The following TMEM74 variants were observed in gnomAD, a reference collection of about 807,000 sequenced individuals.
TMEM74 encodes the protein transmembrane protein 74.
In TMEM74, 13 loss-of-function variants were observed where a neutral mutation model predicts 18.1. The ratio of observed to expected loss-of-function variants is 0.72; its 90% CI spans 0.47 to 1.14. TMEM74 has a LOEUF of 1.14. TMEM74 is among the 50% of genes most tolerant of loss of function. The probability of loss-of-function intolerance (pLI) is 0.00; values close to 1 mark genes in which losing one functional copy is unlikely to be tolerated. For missense variants in TMEM74, 372 were observed against 375.9 expected, an observed-to-expected ratio of 0.99 and a Z score of 0.09; for synonymous variants, 159 against 146.6, an observed-to-expected ratio of 1.08 and a Z score of -0.61.
rs139504461 is a variant in TMEM74 at position 108,782,435 on chromosome 8, T to C, written c.*1746A>G. On this transcript the variant is annotated 3_prime_UTR_variant, in exon 2 of 2. Coordinates refer to ENST00000297459, the MANE Select transcript of TMEM74 (RefSeq NM_153015.3). The stretch of plus-strand genomic sequence containing the variant: ...TGATGGCCATATAATTTCTCATTTT[T>C]ACTTAATAATTCTTTCATATGCCCA... 2.3e-3 allele frequency among the ~76,000 whole-genome samples: 348 copies of C among 152,316 alleles called. No individual in the cohort carries two copies. Among genetic ancestry groups the C allele is most frequent in the African/African-American group, 7.8e-3 (323 of 41,568 alleles).
intron 2 of TMEM74, among the ~76,000 whole-genome samples, chr8:108,629,545 G>A (rs893070196): frequency 5.3e-5 from 8 of 151,900 alleles, no homozygotes; most frequent in Non-Finnish European, 5.9e-5. Flanking sequence ...GATTCTCCAA[G>A]GTTGAAATGA....
intron 1 of TMEM74, among the ~76,000 whole-genome samples, chr8:108,755,106 T>A (rs73311970): frequency 0.028 from 4,295 of 152,122 alleles, 204 homozygotes; most frequent in African/African-American, 0.095. Flanking sequence ...AGTTGACACA[T>A]AAAATTTACC....
chr8:108,691,517 T>C (rs1813230927), intron 1 of TMEM74, among the ~76,000 whole-genome samples: 1 of 152,212 alleles, frequency 6.6e-6, no homozygotes, highest in Non-Finnish European at 1.5e-5. Flanking sequence ...AACTGATAAG[T>C]ATTATAAACT....
chr8:108,705,286 G>A (rs1373862714), intron 1 of TMEM74, among the ~76,000 whole-genome samples: 1 of 152,212 alleles, frequency 6.6e-6, no homozygotes, highest in African/African-American at 2.4e-5. Context: ...CTTGCAAAAT[G>A]TTCTGAGAAG....
chr8:108,744,034 T>G (rs1279885008), intron 1 of TMEM74, among the ~76,000 whole-genome samples: 4 of 135,096 alleles, frequency 3.0e-5, no homozygotes, highest in African/African-American at 1.1e-4. Context: ...AGGTGGGCAA[T>G]GTTTAGTGCA....
In TMEM74 at chr8:108,779,060, TTTAAA is replaced by T. The variant is rs1278839142; in HGVS notation, c.*5116_*5120del. On this transcript the variant is annotated 3_prime_UTR_variant, in exon 2 of 2. Coordinates refer to ENST00000297459, the MANE Select transcript of TMEM74 (RefSeq NM_153015.3). ...ACCAAATCAGCATTACAGATTCCAA[TTTAAA>T]TTAAGCTTAATAAACACAATAAAGC... 1.3e-5 allele frequency among the ~76,000 whole-genome samples: 2 copies of T among 152,190 alleles called. No individual in the cohort carries two copies. The highest frequency in any genetic ancestry group is 2.9e-5 in the Non-Finnish European group (2 of 68,024).
intron 1 of TMEM74, among the ~76,000 whole-genome samples, chr8:108,739,685 G>T (rs1384732493): frequency 6.6e-6 from 1 of 152,112 alleles, no homozygotes; most frequent in Non-Finnish European, 1.5e-5. Context: ...GATGAATAAG[G>T]CTGAAGTTTT....
At chr8:108,750,804 G>A (rs1813897442) in intron 1 of TMEM74, among the ~76,000 whole-genome samples, 1 of 152,112 alleles carries the variant, frequency 6.6e-6, no homozygotes, top group Admixed American at 6.6e-5. Flanking sequence ...GAGAATCTTG[G>A]GAAGGGGGCT....
chr8:108,722,571 T>C (rs1456658304), intron 1 of TMEM74, among the ~76,000 whole-genome samples: 3 of 152,200 alleles, frequency 2.0e-5, no homozygotes, highest in Non-Finnish European at 4.4e-5. Flanking sequence ...GTTCATTTAC[T>C]CTCTACCTTC....
chr8:108,758,804 GA>G (rs1814007382), intron 1 of TMEM74, among the ~76,000 whole-genome samples: 1 of 151,956 alleles, frequency 6.6e-6, no homozygotes, highest in Non-Finnish European at 1.5e-5. Context: ...TGGGATGTTA[GA>G]AAAATAAATG....
intron 1 of TMEM74, among the ~76,000 whole-genome samples, chr8:108,770,948 T>C (rs1814164480): frequency 1.3e-5 from 2 of 152,134 alleles, no homozygotes; most frequent in Non-Finnish European, 2.9e-5. Flanking sequence ...CCCATTTTTC[T>C]GGTCTCACTG....
chr8:108,657,871 T>A (rs1178731052), intron 1 of TMEM74, among the ~76,000 whole-genome samples: 5,893 of 47,258 alleles, frequency 0.12, 889 homozygotes, highest in East Asian at 0.14. Context: ...TATATATATA[T>A]ATATATATAT....
intron 1 of TMEM74, among the ~76,000 whole-genome samples, chr8:108,754,288 T>C (rs941042929): frequency 6.6e-6 from 1 of 152,114 alleles, no homozygotes; most frequent in Non-Finnish European, 1.5e-5. Context: ...ATACTGTTAA[T>C]AGATTTTTAA....
chr8:108,626,371 C>A (rs1812493184), intron 2 of TMEM74, among the ~76,000 whole-genome samples: 1 of 152,000 alleles, frequency 6.6e-6, no homozygotes, highest in Admixed American at 6.6e-5. Flanking sequence ...GATTTAATAT[C>A]ATTTTGTTGG....
At chr8:108,761,895 C>A (rs1488244135) in intron 1 of TMEM74, among the ~76,000 whole-genome samples, 3 of 152,100 alleles carry the variant, frequency 2.0e-5, no homozygotes, top group African/African-American at 7.2e-5. Flanking sequence ...CAAGTCACAA[C>A]ACAAAACAGA....
chr8:108,710,936 T>C (rs1473746455), intron 1 of TMEM74, among the ~76,000 whole-genome samples: 4 of 152,232 alleles, frequency 2.6e-5, no homozygotes, highest in African/African-American at 9.6e-5. Flanking sequence ...ATGGCTGTGA[T>C]AACAAGCGGA....
At chr8:108,622,117 T>A (rs1812446107) in intron 2 of TMEM74, among the ~76,000 whole-genome samples, 1 of 152,130 alleles carries the variant, frequency 6.6e-6, no homozygotes, top group Non-Finnish European at 1.5e-5. Context: ...GGTGAAAGTT[T>A]ATAAAAGGGC....
At chr8:108,728,102 G>A (rs962200223) in intron 1 of TMEM74, among the ~76,000 whole-genome samples, 4 of 152,160 alleles carry the variant, frequency 2.6e-5, no homozygotes, top group African/African-American at 9.7e-5. Context: ...TAGAAGAAAG[G>A]GATAATTGGA....
chr8:108,750,787 C>G (rs1586284019), intron 1 of TMEM74, among the ~76,000 whole-genome samples: 1 of 152,094 alleles, frequency 6.6e-6, no homozygotes, highest in Non-Finnish European at 1.5e-5. Context: ...GCAGCCCTCC[C>G]TAAGGGGAGA....
Sources: allele counts gnomAD v4.1 joint callset (sites outside exome capture counted in the v4.1 genomes callset), GRCh38; gene constraint gnomAD v4.1.1; transcripts MANE v1.5; gene names NCBI Gene and HGNC (gene_info 2026-07-23, HGNC 2026-07-21).